The following MPP4 variants were observed in gnomAD, a reference collection of about 807,000 sequenced individuals.
MPP4 encodes the protein MAGUK p55 subfamily member 4.
Under a neutral mutation model 98.3 loss-of-function variants are expected in MPP4, and 91 were observed. The ratio of observed to expected loss-of-function variants is 0.93; its 90% CI spans 0.78 to 1.10. The LOEUF is 1.10. MPP4 is among the 50% of genes least tolerant of loss of function. The pLI is 0.00. For synonymous variants in MPP4, 261 were observed against 271.8 expected (o/e 0.96, Z 0.39); for missense variants, 744 against 792.9 (o/e 0.94, Z 0.74).
intron 3 of MPP4, among the ~76,000 whole-genome samples, chr2:201,692,695 C>A (rs140160508): frequency 3.0e-4 from 46 of 152,254 alleles, no homozygotes; most frequent in African/African-American, 1.1e-3. Flanking sequence ...CAAGAAGTTA[C>A]CATTTAGGAA....
chr2:201,685,215 AAT>A (rs1688789133), intron 6 of MPP4, 70 bp from the exon 7 acceptor site: 10 of 476,004 alleles, frequency 2.1e-5, no homozygotes, highest in East Asian at 1.7e-4. Context: ...TCCCTCAATC[AAT>A]GCAGCTCTGG....
intron 18 of MPP4, chr2:201,651,414 T>C: frequency 1.0e-5 from 10 of 985,434 alleles, no homozygotes; most frequent in Non-Finnish European, 1.2e-5. Context: ...CAGGTGATAG[T>C]GAATTATGTC....
At chr2:201,668,533 A>G (rs1688247973) in intron 12 of MPP4, among the ~76,000 whole-genome samples, 1 of 151,484 alleles carries the variant, frequency 6.6e-6, no homozygotes, top group Admixed American at 6.6e-5. Flanking sequence ...CTAAGGATGC[A>G]CAGAGGCAAC....
At chr2:201,667,861 A>C (rs1688226870) in intron 12 of MPP4, among the ~76,000 whole-genome samples, 1 of 152,198 alleles carries the variant, frequency 6.6e-6, no homozygotes, top group African/African-American at 2.4e-5. Context: ...ATTTTATGAA[A>C]TAACACTGTC....
At chr2:201,667,230 T>A (rs1265934931) in intron 12 of MPP4, among the ~76,000 whole-genome samples, 1 of 152,256 alleles carries the variant, frequency 6.6e-6, no homozygotes, top group Non-Finnish European at 1.5e-5. Flanking sequence ...AAGGTTGTCA[T>A]CTGCTTCTCT....
At chr2:201,669,774 G>C (rs1000825042) in intron 11 of MPP4, 24 bp from the exon 12 acceptor site, 1 of 1,380,318 alleles carries the variant, frequency 7.2e-7, no homozygotes, top group Admixed American at 2.7e-5. Flanking sequence ...AATGATTGAA[G>C]CAGGGGGGAT....
At chr2:201,668,477 C>CTCTTCCT (rs1553493949) in intron 12 of MPP4, among the ~76,000 whole-genome samples, 2,121 of 146,800 alleles carry the variant, frequency 0.014, 67 homozygotes, top group African/African-American at 0.051. Context: ...CTCTTCTCTT[C>CTCTTCCT]CTCTCTCTCT....
At chr2:201,657,012 G>A (rs958873269) in intron 16 of MPP4, among the ~76,000 whole-genome samples, 6 of 152,230 alleles carry the variant, frequency 3.9e-5, no homozygotes, top group Non-Finnish European at 7.3e-5. Context: ...GAAAGTGTTG[G>A]ATTGTTGTGG....
intron 11 of MPP4, among the ~76,000 whole-genome samples, chr2:201,674,370 G>C (rs1235814098): frequency 6.6e-6 from 1 of 152,214 alleles, no homozygotes; most frequent in Non-Finnish European, 1.5e-5. Flanking sequence ...GAATGTCAAC[G>C]GTAGGACTTC....
At chr2:201,693,538 C>T (rs1689098082) in intron 2 of MPP4, among the ~76,000 whole-genome samples, 1 of 152,102 alleles carries the variant, frequency 6.6e-6, no homozygotes, top group African/African-American at 2.4e-5. Flanking sequence ...TAAAGGGTCT[C>T]TAAACAGATT....
intron 2 of MPP4, among the ~76,000 whole-genome samples, chr2:201,693,282 C>T (rs1030607307): frequency 8.5e-5 from 13 of 152,178 alleles, no homozygotes; most frequent in Non-Finnish European, 1.9e-4. Flanking sequence ...TTGTTCTTAA[C>T]ACTGAGTAAA....
At chr2:201,694,847 TG>T (rs1452002596) in intron 1 of MPP4, among the ~76,000 whole-genome samples, 2 of 152,018 alleles carry the variant, frequency 1.3e-5, no homozygotes, top group Non-Finnish European at 2.9e-5. Context: ...CTCCAACTTC[TG>T]GGCAATCTTC....
intron 3 of MPP4, among the ~76,000 whole-genome samples, chr2:201,691,838 G>A (rs756695339): frequency 6.6e-6 from 1 of 152,092 alleles, no homozygotes; most frequent in Non-Finnish European, 1.5e-5. Context: ...TTTAGAATAA[G>A]AAACTTCAGG....
intron 21 of MPP4, 109 bp downstream of exon 21, chr2:201,647,582 A>T: frequency 8.1e-7 from 1 of 1,231,130 alleles, no homozygotes; most frequent in South Asian, 1.9e-5. Context: ...AGGGGGTCAA[A>T]AAGGAGGAGG....
Position 201,645,310 on chromosome 2 carries a change from T to C in MPP4, c.1814A>G (p.His605Arg). ...FDHVIVNDSL[H>R]DACAQLLSAI... ...AGACAACAACTGGGCACATGCATCG[T>C]GCAAGCTGTCATTCACAATCACATG... The change falls in exon 22 of 22, where the codon CAC becomes CGC. Residue 605 changes from histidine to arginine, a missense_variant. By Grantham distance (29) the His-to-Arg change is conservative. Transcript: ENST00000409474. 1 of 1,614,036 alleles carries C rather than the reference T, an allele frequency of 6.2e-7. No individual in the cohort carries two copies. The highest frequency in any genetic ancestry group is 8.5e-7 in the Non-Finnish European group (1 of 1,179,892).
intron 12 of MPP4, 72 bp from the exon 13 acceptor site, chr2:201,666,444 G>C (rs1044370470): frequency 8.0e-7 from 1 of 1,244,220 alleles, no homozygotes; most frequent in African/African-American, 1.6e-5. Context: ...TTCCCGGCCA[G>C]GCATGGTGGC....
At chr2:201,652,185 G>A (rs1047361041) in intron 18 of MPP4, 9 of 169,848 alleles carry the variant, frequency 5.3e-5, no homozygotes, top group African/African-American at 9.6e-5. Flanking sequence ...CTGGCCGGGT[G>A]TGGTGGCTCA....
intron 1 of MPP4, chr2:201,698,185 G>T: frequency 1.1e-5 from 7 of 631,588 alleles, no homozygotes; most frequent in Non-Finnish European, 1.4e-5. Context: ...ACTATTAAAT[G>T]CCACAACCCC....
At chr2:201,662,587 C>T (rs553592688) in intron 14 of MPP4, among the ~76,000 whole-genome samples, 6 of 150,568 alleles carry the variant, frequency 4.0e-5, no homozygotes, top group Non-Finnish European at 5.9e-5. Flanking sequence ...CTACTAGATG[C>T]TTATATTAAT....
Sources: gnomAD v4.1 joint callset for allele counts (sites outside exome capture counted in the v4.1 genomes callset) on GRCh38, gnomAD v4.1.1 for gene constraint, MANE v1.5 for transcripts, NCBI Gene and HGNC (gene_info 2026-07-23, HGNC 2026-07-21) for gene names.